The following EIF2B1 variants were observed in gnomAD, a reference collection of about 807,000 sequenced individuals.
The protein encoded by EIF2B1 is translation initiation factor eIF2B subunit alpha.
A neutral mutation model predicts 36.8 loss-of-function variants in EIF2B1; 30 were observed. That is an observed-to-expected ratio of 0.81 (90% confidence interval 0.61 to 1.10). EIF2B1 has a LOEUF of 1.10. Ranked by LOEUF, EIF2B1 falls within the 50% of genes least tolerant of loss-of-function variation. The pLI is 0.00. For missense variants in EIF2B1, 271 were observed against 374.8 expected (o/e 0.72, Z 2.29); for synonymous variants, 139 against 142.2 (o/e 0.98, Z 0.16).
Position 123,630,617 on chromosome 12 carries a change from G to C in EIF2B1, c.116-84C>G. ...TCTTCAATTCATTCATTCATTCAGT[G>C]AATATTTACTAGGTACATACTATAT... is the stretch of plus-strand genomic sequence containing the variant. On this transcript the variant is annotated intron_variant, in intron 2 of 8. Coordinates refer to ENST00000424014, the MANE Select transcript of EIF2B1 (RefSeq NM_001414.4). This position sits in a 1 kb window ranked among gnomAD's most constrained non-coding sequence, Gnocchi z 4.6. The C allele has an allele frequency of 6.4e-7, 1 of 1,566,084 alleles. No individual in the cohort carries two copies. The highest frequency in any genetic ancestry group is 1.1e-5 in the South Asian group (1 of 89,618).
chr12:123,629,365 C>G (rs906905629), intron 4 of EIF2B1, among the ~76,000 whole-genome samples: 2 of 152,176 alleles, frequency 1.3e-5, no homozygotes, highest in African/African-American at 4.8e-5. Flanking sequence ...AAGAAAATTT[C>G]CCTCAATTTC....
chr12:123,624,460 A>G (rs534584682), intron 7 of EIF2B1, among the ~76,000 whole-genome samples: 8 of 152,130 alleles, frequency 5.3e-5, no homozygotes, highest in Non-Finnish European at 7.4e-5. Context: ...GGGTTTCACT[A>G]TGTTGCCCAG....
rs961487280 is a variant in EIF2B1, at chr12:123,620,932, T to C, written c.*824A>G. 4 of 152,126 alleles carry C rather than the reference T, an allele frequency of 2.6e-5. No individual in the cohort carries two copies. The highest frequency in any genetic ancestry group is 7.2e-5 in the African/African-American group (3 of 41,416). 9.4% of individuals were successfully genotyped at this position (152,126 alleles called of 1,614,324 possible). A position where few individuals can be genotyped will look rare whatever the true frequency, so the allele number is the denominator to read the frequency against. ...GCCTCCTGTTGAATAAATGGTGTCC[T>C]GATTGCCTGGGTCTTAAGTGTGTAA... On this transcript the variant is annotated 3_prime_UTR_variant, in exon 9 of 9. Coordinates refer to ENST00000424014, the MANE Select transcript of EIF2B1 (RefSeq NM_001414.4).
intron 7 of EIF2B1, among the ~76,000 whole-genome samples, chr12:123,624,441 G>A (rs902461612): frequency 8.6e-5 from 13 of 151,824 alleles, no homozygotes; most frequent in African/African-American, 3.1e-4. Flanking sequence ...CTAATTTTTT[G>A]TAGAGACAGG....
chr12:123,630,390 C>T lies in EIF2B1; in HGVS notation c.252+7G>A. ...GAAAGGTAACCCCAGGGAGAACAGG[C>T]ACTTACGGAGTATTCCAGGGAGGCA... On this transcript the variant is annotated splice_region_variant and intron_variant, in intron 3 of 8. Transcript: ENST00000424014. The surrounding 1 kb of genome is among the most constrained non-coding windows in gnomAD (Gnocchi z 4.6). The T allele has an allele frequency of 2.5e-6, 4 of 1,614,160 alleles. No individual in the cohort carries two copies. Among genetic ancestry groups the T allele is most frequent in the Non-Finnish European group, 3.4e-6 (4 of 1,180,032 alleles).
chr12:123,632,905 C>T (rs1955210553), intron 1 of EIF2B1, among the ~76,000 whole-genome samples: 1 of 143,454 alleles, frequency 7.0e-6, no homozygotes, highest in Non-Finnish European at 1.5e-5. Context: ...GAGACTGCGC[C>T]ACTGCACTCC....
Position 123,620,831 on chromosome 12 carries a change from G to C in EIF2B1, c.*925C>G, listed in dbSNP as rs184470082. 6.6e-6 allele frequency: 1 copy of C among 151,602 alleles called. No individual in the cohort carries two copies. 9.4% of individuals were successfully genotyped at this position (151,602 alleles called of 1,614,324 possible). The stretch of plus-strand genomic sequence containing the variant: ...GGGTTTTTCTGTGTTAATAGTCACA[G>C]TATTGTTTTATTGGTGAATAGCTGA... On this transcript the variant is annotated 3_prime_UTR_variant, in exon 9 of 9. Coordinates refer to ENST00000424014, the MANE Select transcript of EIF2B1 (RefSeq NM_001414.4).
intron 5 of EIF2B1, 133 bp from the exon 6 acceptor site, chr12:123,626,626 T>G: frequency 2.0e-6 from 2 of 1,003,886 alleles, no homozygotes; most frequent in Non-Finnish European, 3.1e-6. Flanking sequence ...CAGATCCCAA[T>G]ACTTTGGACT....
rs541485294 is a variant in EIF2B1 at position 123,633,574 on chromosome 12, G to A, written c.-17C>T. On this transcript the variant is annotated 5_prime_UTR_variant, in exon 1 of 9. Coordinates refer to ENST00000424014, the MANE Select transcript of EIF2B1 (RefSeq NM_001414.4). ...GTCGTCCATGGCGTCCTCCTGCTGC[G>A]GAGCCCCAGGGGACCCGAGCCGCCC... is the stretch of plus-strand genomic sequence containing the variant. 1.6e-5 allele frequency: 25 copies of A among 1,609,752 alleles called. No homozygotes were observed. The South Asian group carries it at 2.3e-4, about 15-fold the overall frequency.
intron 7 of EIF2B1, among the ~76,000 whole-genome samples, chr12:123,624,056 T>C (rs191657461): frequency 1.3e-5 from 2 of 149,110 alleles, no homozygotes; most frequent in Non-Finnish European, 3.0e-5. Context: ...ATATATAATA[T>C]TTATATATAA....
Position 123,626,919 on chromosome 12 carries a change from T to C in EIF2B1, c.482+125A>G, listed in dbSNP as rs562279949. 1.9e-5 allele frequency: 16 copies of C among 844,660 alleles called. No homozygotes were observed. The Admixed American group carries it at 2.7e-4, about 14-fold the overall frequency. 52.3% of individuals were successfully genotyped at this position (844,660 alleles called of 1,614,324 possible). ...CTTCCAAAGGCAGGAAAAGGTACAA[T>C]GAAAGGCAGTGCTGACTGCTGGCAA... On this transcript the variant is annotated intron_variant, in intron 5 of 8. Coordinates refer to ENST00000424014, the MANE Select transcript of EIF2B1 (RefSeq NM_001414.4).
chr12:123,620,624 ATAT>A lies in EIF2B1; in HGVS notation c.*1129_*1131del, dbSNP rs1566211722. ...TATATATATATATATATATATATAT[ATAT>A]AAGCTCTTTTTTCTGAGGCTATTTT... On this transcript the variant is annotated 3_prime_UTR_variant, in exon 9 of 9. Transcript: ENST00000424014. The A allele has an allele frequency of 4.7e-3, 492 of 104,972 alleles. 10 individuals carry two copies. The highest frequency in any genetic ancestry group is 9.8e-3 in the Middle Eastern group (2 of 204). 6.5% of individuals were successfully genotyped at this position (104,972 alleles called of 1,614,324 possible).
At chr12:123,629,886 TAAC>T (rs1267324035) in intron 4 of EIF2B1, among the ~76,000 whole-genome samples, 1 of 152,176 alleles carries the variant, frequency 6.6e-6, no homozygotes. Flanking sequence ...CCATCTCTAA[TAAC>T]AAGACCTACA....
At chr12:123,633,477 G>C in intron 1 of EIF2B1, 68 bp downstream of exon 1, 1 of 1,607,204 alleles carries the variant, frequency 6.2e-7, no homozygotes, top group Non-Finnish European at 8.5e-7. Context: ...CAGCCTGGAT[G>C]TGAGAGGTTG....
At chr12:123,633,438 G>C in intron 1 of EIF2B1, 107 bp downstream of exon 1, 1 of 1,537,388 alleles carries the variant, frequency 6.5e-7, no homozygotes. Context: ...GGAGCAGCCT[G>C]AAATTCAAAA....
In EIF2B1 at chr12:123,632,429, T is replaced by TA; in HGVS notation, c.30dup (p.Lys11Ter). On this transcript the variant is annotated frameshift_variant, in exon 2 of 9. Transcript: ENST00000424014. LOFTEE classifies it high-confidence loss of function. ...TCAGGATCTTCTTTCATCTGAGACT[T>TA]AAAGTATTCAATTAACTCTGGAAAA... The TA allele has an allele frequency of 6.2e-7, 1 of 1,613,088 alleles. No homozygotes were observed. Among genetic ancestry groups the TA allele is most frequent in the Non-Finnish European group, 8.5e-7 (1 of 1,179,420 alleles).
chr12:123,623,334 C>T (rs1018180238), intron 7 of EIF2B1, among the ~76,000 whole-genome samples: 1 of 151,836 alleles, frequency 6.6e-6, no homozygotes, highest in African/African-American at 2.4e-5. Flanking sequence ...TGCAGTGAGC[C>T]AAGACTGTGC....
chr12:123,623,578 T>G (rs567312211), intron 7 of EIF2B1, among the ~76,000 whole-genome samples: 58 of 152,074 alleles, frequency 3.8e-4, no homozygotes, highest in African/African-American at 1.4e-3. Flanking sequence ...GTTCAAGCGA[T>G]TCTCCTGCGT....
At chr12:123,629,378 T>G (rs1955171447) in intron 4 of EIF2B1, among the ~76,000 whole-genome samples, 1 of 152,204 alleles carries the variant, frequency 6.6e-6, no homozygotes, top group African/African-American at 2.4e-5. Flanking sequence ...TCAATTTCCC[T>G]CTATTGCTAA....
Sources: gnomAD v4.1 joint callset for allele counts (sites outside exome capture counted in the v4.1 genomes callset) on GRCh38, gnomAD v4.1.1 for gene constraint, Gnocchi (gnomAD v3.1) non-coding constraint, MANE v1.5 for transcripts, NCBI Gene and HGNC (gene_info 2026-07-23, HGNC 2026-07-21) for gene names.